PPP3CA: variants seen among roughly 807,000 people sequenced by gnomAD.
PPP3CA encodes the protein CAM-PRP catalytic subunit.
In PPP3CA, 14 loss-of-function variants were observed where a neutral mutation model predicts 66.5. The ratio of observed to expected loss-of-function variants is 0.21; its 90% CI spans 0.14 to 0.33. The LOEUF (loss-of-function observed/expected upper bound fraction) is 0.33, where lower values mean the gene tolerates loss of function less well. Ranked by LOEUF, PPP3CA falls within the 10% of genes least tolerant of loss-of-function variation. PPP3CA has a pLI of 1.00. For missense variants in PPP3CA, 317 were observed against 639.5 expected (o/e 0.50, Z 5.44); for synonymous variants, 232 against 226.2 (o/e 1.03, Z -0.23).
chr4:101,042,173 C>CA (rs1401063502), intron 10 of PPP3CA, among the ~76,000 whole-genome samples: 1 of 91,164 alleles, frequency 1.1e-5, no homozygotes, highest in South Asian at 3.6e-4. Flanking sequence ...AAGGTCTTTG[C>CA]TTTTTTTTTT....
At chr4:101,177,763 GAAGT>G (rs1724108457) in intron 2 of PPP3CA, among the ~76,000 whole-genome samples, 1 of 151,524 alleles carries the variant, frequency 6.6e-6, no homozygotes, top group Admixed American at 6.6e-5. Flanking sequence ...GGGCAAATAT[GAAGT>G]AAGTACTGAA....
chr4:101,063,449 A>G, intron 8 of PPP3CA, 92 bp from the exon 9 acceptor site: 3 of 1,431,852 alleles, frequency 2.1e-6, no homozygotes, highest in Non-Finnish European at 2.8e-6. Flanking sequence ...CAACCATTTG[A>G]CTGAAGTTCC....
At chr4:101,121,798 T>A (rs969057413) in intron 2 of PPP3CA, among the ~76,000 whole-genome samples, 3 of 152,132 alleles carry the variant, frequency 2.0e-5, no homozygotes, top group Admixed American at 6.6e-5. Flanking sequence ...TCAAGGAACA[T>A]AGAGTATGCT....
intron 2 of PPP3CA, among the ~76,000 whole-genome samples, chr4:101,165,624 T>C (rs575209749): frequency 1.3e-5 from 2 of 152,182 alleles, no homozygotes; most frequent in Non-Finnish European, 2.9e-5. Context: ...TAAGTAGTTG[T>C]TCAAATATTA....
intron 2 of PPP3CA, among the ~76,000 whole-genome samples, chr4:101,135,084 G>T (rs994766585): frequency 4.6e-5 from 7 of 152,126 alleles, no homozygotes; most frequent in Non-Finnish European, 8.8e-5. Flanking sequence ...TGGGGGCCTA[G>T]GGGAGGGATA....
At chr4:101,308,088 CAGTACACTTT>C (rs1713716410) in intron 1 of PPP3CA, among the ~76,000 whole-genome samples, 1 of 152,140 alleles carries the variant, frequency 6.6e-6, no homozygotes, top group Non-Finnish European at 1.5e-5. Context: ...AACAATTTAA[CAGTACACTTT>C]ATAATGACTC....
At chr4:101,207,852 GC>G (rs1725182470) in intron 1 of PPP3CA, among the ~76,000 whole-genome samples, 1 of 151,606 alleles carries the variant, frequency 6.6e-6, no homozygotes. Context: ...AAAAAGAGTA[GC>G]TAATAACTAG....
At chr4:101,196,418 C>A (rs765038418) in intron 1 of PPP3CA, among the ~76,000 whole-genome samples, 9 of 152,100 alleles carry the variant, frequency 5.9e-5, no homozygotes, top group Non-Finnish European at 1.0e-4. Flanking sequence ...GTTTTCAGTT[C>A]AACAATAATC....
chr4:101,278,146 A>ATAG, intron 1 of PPP3CA, among the ~76,000 whole-genome samples: 1 of 149,466 alleles, frequency 6.7e-6, no homozygotes, highest in African/African-American at 2.5e-5. Context: ...AAAATAAAAA[A>ATAG]ATTAAAAAGT....
chr4:101,245,664 C>T (rs1384823381), intron 1 of PPP3CA, among the ~76,000 whole-genome samples: 2 of 151,990 alleles, frequency 1.3e-5, no homozygotes, highest in South Asian at 2.1e-4. Flanking sequence ...CCTCTAAATC[C>T]TATATTGGTT....
chr4:101,211,825 G>A (rs1441624246), intron 1 of PPP3CA, among the ~76,000 whole-genome samples: 2 of 152,192 alleles, frequency 1.3e-5, no homozygotes. Context: ...GCAACACAGA[G>A]CAGAAACTGA....
intron 1 of PPP3CA, among the ~76,000 whole-genome samples, chr4:101,275,921 G>C (rs1027254942): frequency 2.7e-5 from 4 of 150,112 alleles, no homozygotes. Flanking sequence ...TTTTGAGACA[G>C]GGTCCAGCTC....
chr4:101,275,896 T>C (rs60154086), intron 1 of PPP3CA, among the ~76,000 whole-genome samples: 82,738 of 149,066 alleles, frequency 0.56, 26,828 homozygotes, highest in Non-Finnish European at 0.74. Context: ...TGTTTGTTTT[T>C]TGTTTTTTGT....
chr4:101,028,581 C>G (rs955181097), intron 13 of PPP3CA, among the ~76,000 whole-genome samples: 3 of 152,156 alleles, frequency 2.0e-5, no homozygotes, highest in African/African-American at 7.2e-5. Flanking sequence ...TAATATTTTG[C>G]TGGTGTTAAT....
intron 2 of PPP3CA, among the ~76,000 whole-genome samples, chr4:101,122,005 T>C (rs1013856562): frequency 1.3e-5 from 2 of 152,142 alleles, no homozygotes; most frequent in Non-Finnish European, 2.9e-5. Context: ...CTCTAGCATT[T>C]CAAGTGTCTC....
At position 101,106,442 on chromosome 4, in the gene PPP3CA, AAAGAAAG is replaced by A. The variant is rs1560604981; in HGVS notation, c.384+2505_384+2511del. 2.1e-3 allele frequency among the ~76,000 whole-genome samples: 26 copies of A among 12,156 alleles called. 6 individuals carry two copies. Among genetic ancestry groups the A allele is most frequent in the African/African-American group, 8.5e-3 (26 of 3,064 alleles). 8.0% of individuals were successfully genotyped at this position (12,156 alleles called of 152,430 possible). A position where few individuals can be genotyped will look rare whatever the true frequency, so the allele number is the denominator to read the frequency against. On this transcript the variant is annotated intron_variant, in intron 3 of 13. Coordinates refer to ENST00000394854, the MANE Select transcript of PPP3CA (RefSeq NM_000944.5). ...GAAAGAAAGAAAGAAAGAAAGAAAG[AAAGAAAG>A]AAAGAGAAAAGAAAAGAAAAGAAAA...
chr4:101,256,265 A>G (rs1018494644), intron 1 of PPP3CA, among the ~76,000 whole-genome samples: 9 of 151,944 alleles, frequency 5.9e-5, no homozygotes, highest in African/African-American at 2.2e-4. Flanking sequence ...AAATCATCTA[A>G]TGTCTGAAGA....
At chr4:101,052,018 T>C (rs1728032806) in intron 10 of PPP3CA, among the ~76,000 whole-genome samples, 1 of 152,060 alleles carries the variant, frequency 6.6e-6, no homozygotes, top group Non-Finnish European at 1.5e-5. Context: ...GCAACAGGGA[T>C]ATGGCTGTTT....
intron 10 of PPP3CA, among the ~76,000 whole-genome samples, chr4:101,049,488 A>C (rs1260815291): frequency 2.6e-5 from 4 of 152,136 alleles, no homozygotes; most frequent in Non-Finnish European, 4.4e-5. Context: ...AAAAGGAATA[A>C]ATCTAAATTT....
Sources: gnomAD v4.1 joint callset for allele counts (sites outside exome capture counted in the v4.1 genomes callset) on GRCh38, gnomAD v4.1.1 for gene constraint, MANE v1.5 for transcripts, NCBI Gene and HGNC (gene_info 2026-07-23, HGNC 2026-07-21) for gene names.